Variants in CAMK1D observed in about 807,000 individuals in gnomAD.
CAMK1D encodes calcium/calmodulin-dependent protein kinase type 1D.
A neutral mutation model predicts 47.7 loss-of-function variants in CAMK1D; 9 were observed. That is an observed-to-expected ratio of 0.19 (90% CI 0.11 to 0.33). The LOEUF is 0.33. Among genes scored for constraint, CAMK1D ranks in the 10% least tolerant of loss-of-function variants. The probability of loss-of-function intolerance (pLI) is 1.00; values close to 1 mark genes in which losing one functional copy is unlikely to be tolerated. For missense variants in CAMK1D, 291 were observed against 488.7 expected, an observed-to-expected ratio of 0.60 and a Z score of 3.81; for synonymous variants, 184 against 184.9, an observed-to-expected ratio of 0.99 and a Z score of 0.04.
chr10:12,459,547 C>T (rs1588508990), intron 1 of CAMK1D, among the ~76,000 whole-genome samples: 1 of 152,262 alleles, frequency 6.6e-6, no homozygotes, highest in East Asian at 1.9e-4. Context: ...ACATAGCCCT[C>T]ATATTCCATA....
intron 1 of CAMK1D, among the ~76,000 whole-genome samples, chr10:12,373,937 A>G (rs1217410501): frequency 7.0e-6 from 1 of 142,818 alleles, no homozygotes; most frequent in Non-Finnish European, 1.5e-5. Context: ...TAGCTGGGCA[A>G]GACAGCGACA....
intron 1 of CAMK1D, among the ~76,000 whole-genome samples, chr10:12,523,986 G>A (rs1056091894): frequency 9.2e-5 from 14 of 151,866 alleles, no homozygotes; most frequent in African/African-American, 1.9e-4. Context: ...CTGCTTCCCG[G>A]GTTCACACCA....
At chr10:12,547,014 G>A (rs563730544) in intron 1 of CAMK1D, among the ~76,000 whole-genome samples, 21 of 152,146 alleles carry the variant, frequency 1.4e-4, no homozygotes, top group South Asian at 2.1e-4. Flanking sequence ...ACCAGAAGGG[G>A]CTCAGACTGT....
At chr10:12,744,354 G>A (rs1835568205) in intron 3 of CAMK1D, among the ~76,000 whole-genome samples, 3 of 152,164 alleles carry the variant, frequency 2.0e-5, no homozygotes, top group Admixed American at 2.0e-4. Flanking sequence ...GAATGAAATT[G>A]CTAGGTCATC....
chr10:12,666,177 G>T (rs552763485), intron 2 of CAMK1D, among the ~76,000 whole-genome samples: 1 of 152,128 alleles, frequency 6.6e-6, no homozygotes, highest in East Asian at 1.9e-4. Context: ...AGTGGGGTGG[G>T]GTGGGGGGAC....
chr10:12,484,250 G>C (rs1324653084), intron 1 of CAMK1D, among the ~76,000 whole-genome samples: 1 of 152,182 alleles, frequency 6.6e-6, no homozygotes, highest in East Asian at 1.9e-4. Flanking sequence ...TGCAATCCCT[G>C]CTTCCGGCCC....
intron 8 of CAMK1D, among the ~76,000 whole-genome samples, chr10:12,818,931 G>GGT (rs1438546536): frequency 6.6e-6 from 1 of 152,146 alleles, no homozygotes; most frequent in African/African-American, 2.4e-5. Flanking sequence ...CGACGATAAA[G>GGT]GTAATAAAGG....
chr10:12,481,667 G>A (rs550786473), intron 1 of CAMK1D, among the ~76,000 whole-genome samples: 9 of 152,042 alleles, frequency 5.9e-5, no homozygotes, highest in Non-Finnish European at 7.4e-5. Flanking sequence ...GTACCACCAC[G>A]CCCGGCTAAT....
intron 1 of CAMK1D, among the ~76,000 whole-genome samples, chr10:12,545,633 C>T (rs1836342638): frequency 6.6e-6 from 1 of 151,494 alleles, no homozygotes; most frequent in African/African-American, 2.4e-5. Flanking sequence ...AACCCCGTCT[C>T]TACTAAAAAT....
intron 3 of CAMK1D, among the ~76,000 whole-genome samples, chr10:12,686,594 G>T (rs1461414266): frequency 6.6e-6 from 1 of 152,078 alleles, no homozygotes; most frequent in Non-Finnish European, 1.5e-5. Context: ...AAAGTGCTGG[G>T]ATTACAGGCA....
chr10:12,660,960 C>T (rs1023079586), intron 2 of CAMK1D, among the ~76,000 whole-genome samples: 5 of 152,188 alleles, frequency 3.3e-5, no homozygotes, highest in African/African-American at 1.2e-4. Flanking sequence ...TTCCATTTGC[C>T]TATAACTGAC....
At chr10:12,607,932 G>A (rs1178418208) in intron 2 of CAMK1D, among the ~76,000 whole-genome samples, 1 of 152,162 alleles carries the variant, frequency 6.6e-6, no homozygotes, top group Non-Finnish European at 1.5e-5. Context: ...CTGCGCTCCA[G>A]CCTAGGTGAC....
At chr10:12,551,365 G>T (rs1040307776) in intron 1 of CAMK1D, among the ~76,000 whole-genome samples, 1 of 152,162 alleles carries the variant, frequency 6.6e-6, no homozygotes, top group Admixed American at 6.5e-5. Context: ...AGATGGGACC[G>T]ACTAGTTGCA....
At chr10:12,763,878 G>C (rs189423268) in intron 4 of CAMK1D, among the ~76,000 whole-genome samples, 1 of 152,268 alleles carries the variant, frequency 6.6e-6, no homozygotes, top group African/African-American at 2.4e-5. Context: ...AATTTTTCCA[G>C]TGAGTCCCGG....
chr10:12,422,751 C>A (rs1171080172), intron 1 of CAMK1D, among the ~76,000 whole-genome samples: 2 of 151,902 alleles, frequency 1.3e-5, no homozygotes, highest in African/African-American at 2.4e-5. Flanking sequence ...CGGCTCACTG[C>A]AACCTCTGCC....
At chr10:12,546,419 T>G (rs4750233) in intron 1 of CAMK1D, among the ~76,000 whole-genome samples, 2 of 152,008 alleles carry the variant, frequency 1.3e-5, no homozygotes, top group Non-Finnish European at 2.9e-5. Flanking sequence ...ACTGATTAAA[T>G]GAAAAAGAGA....
At chr10:12,762,069 T>C (rs1836537264) in intron 4 of CAMK1D, among the ~76,000 whole-genome samples, 1 of 152,150 alleles carries the variant, frequency 6.6e-6, no homozygotes, top group Non-Finnish European at 1.5e-5. Flanking sequence ...ACAATAGTAC[T>C]GAAGGGTGGA....
intron 2 of CAMK1D, among the ~76,000 whole-genome samples, chr10:12,595,170 C>T (rs918569331): frequency 1.3e-5 from 2 of 151,340 alleles, no homozygotes; most frequent in Admixed American, 6.6e-5. Context: ...GGTGAAACTC[C>T]GTCTCTACTA....
At position 12,520,346 on chromosome 10, in the gene CAMK1D, A is replaced by T. The variant is rs1300610303; in HGVS notation, c.93-32879A>T. On this transcript the variant is annotated intron_variant, in intron 1 of 10. Coordinates refer to ENST00000619168, the MANE Select transcript of CAMK1D (RefSeq NM_153498.4). Reference sequence around the variant, plus strand: ...CAGACGATGGGCGGGTCAGGCAGAGATGCTCCTCACTTCCTAGTTGGGATG... The same window carrying T: ...CAGACGATGGGCGGGTCAGGCAGAGTTGCTCCTCACTTCCTAGTTGGGATG... Among the ~76,000 whole-genome samples the T allele has an allele frequency of 2.3e-5, 2 of 88,790 alleles. 1 individual carries two copies. Among genetic ancestry groups the T allele is most frequent in the Non-Finnish European group, 4.7e-5 (2 of 42,124 alleles). 58.2% of individuals were successfully genotyped at this position (88,790 alleles called of 152,430 possible).
Sources: allele counts gnomAD v4.1 joint callset (sites outside exome capture counted in the v4.1 genomes callset), GRCh38; gene constraint gnomAD v4.1.1; transcripts MANE v1.5; gene names NCBI Gene and HGNC (gene_info 2026-07-23, HGNC 2026-07-21).